ASXL3: variants seen among roughly 807,000 people sequenced by gnomAD.
ASXL3 encodes the protein putative Polycomb group protein ASXL3.
Under a neutral mutation model 170.6 loss-of-function variants are expected in ASXL3, and 34 were observed. The observed-to-expected ratio is 0.20, with a 90% CI of 0.15 to 0.27. The LOEUF (loss-of-function observed/expected upper bound fraction) is 0.27, where lower values mean the gene tolerates loss of function less well. ASXL3 is among the 10% of genes least tolerant of loss of function. ASXL3 has a pLI of 1.00. For missense variants in ASXL3, 2,592 were observed against 2,695.3 expected (o/e 0.96, Z 0.85); for synonymous variants, 1,002 against 989.1 (o/e 1.01, Z -0.24).
chr18:33,741,268 A>T (rs573767338), intron 11 of ASXL3, among the ~76,000 whole-genome samples: 2 of 152,322 alleles, frequency 1.3e-5, no homozygotes, highest in African/African-American at 4.8e-5. Flanking sequence ...TATGGACTTT[A>T]TGTAAAGATA....
Position 33,745,402 on chromosome 18 carries a change from C to G in ASXL3, c.5554C>G (p.Pro1852Ala), listed in dbSNP as rs1371619287. The G allele has an allele frequency of 1.2e-6, 2 of 1,613,766 alleles. No homozygotes were observed. The highest frequency in any genetic ancestry group is 2.2e-5 in the East Asian group (1 of 44,860). Residue 1852 changes from proline (P) to alanine (A), a missense_variant, in exon 12 of 12, where the codon CCA becomes GCA. Coordinates refer to ENST00000269197, the MANE Select transcript of ASXL3 (RefSeq NM_030632.3). ...KCEPGKLLVEPDVKGVPCVIS... is the reference protein window; with the variant it reads ...KCEPGKLLVEADVKGVPCVIS... ...TGAACCAGGAAAATTGTTGGTGGAG[C>G]CAGATGTTAAAGGGGTGCCTTGTGT...
At chr18:33,675,833 A>G (rs540948629) in intron 7 of ASXL3, among the ~76,000 whole-genome samples, 75 of 152,186 alleles carry the variant, frequency 4.9e-4, no homozygotes, top group African/African-American at 1.7e-3. Context: ...CAGCTTCCCT[A>G]GAGAGGGTTA....
At chr18:33,725,642 T>A (rs2067337574) in intron 8 of ASXL3, among the ~76,000 whole-genome samples, 1 of 152,200 alleles carries the variant, frequency 6.6e-6, no homozygotes, top group African/African-American at 2.4e-5. Flanking sequence ...CTTGCCCTAT[T>A]CTCAGTTACT....
At chr18:33,731,287 A>G (rs1452152510) in intron 8 of ASXL3, among the ~76,000 whole-genome samples, 3 of 152,162 alleles carry the variant, frequency 2.0e-5, no homozygotes, top group East Asian at 1.9e-4. Context: ...TATGAATTCT[A>G]TATGTGGAAG....
chr18:33,689,145 A>G (rs936339282), intron 8 of ASXL3, among the ~76,000 whole-genome samples: 1 of 152,016 alleles, frequency 6.6e-6, no homozygotes, highest in African/African-American at 2.4e-5. Flanking sequence ...GCTGCCTGCC[A>G]CCACATCTGG....
At chr18:33,655,979 C>T (rs1250697648) in intron 4 of ASXL3, among the ~76,000 whole-genome samples, 3 of 151,938 alleles carry the variant, frequency 2.0e-5, no homozygotes, top group Non-Finnish European at 4.4e-5. Flanking sequence ...CTTATGGCCT[C>T]CAACTCAGGT....
rs1000058051 is a variant in ASXL3, at chr18:33,748,304, A to G, written c.*1709A>G. On this transcript the variant is annotated 3_prime_UTR_variant, in exon 12 of 12. Transcript: ENST00000269197. Reference sequence around the variant, plus strand: ...TGATTTTTTTATAATAACCAACTATATAATATGTTTTTTTCTCCGTATTTA... The same window carrying G: ...TGATTTTTTTATAATAACCAACTATGTAATATGTTTTTTTCTCCGTATTTA... The G allele has an allele frequency of 8.5e-5, 13 of 152,178 alleles. No homozygotes were observed. The highest frequency in any genetic ancestry group is 3.1e-4 in the African/African-American group (13 of 41,450). The allele number at this position is 152,178 out of a possible 1,614,324, so 9.4% of individuals were successfully genotyped here.
In ASXL3 at chr18:33,747,482, G is replaced by C. The variant is rs995895835; in HGVS notation, c.*887G>C. 5 of 151,298 alleles carry C rather than the reference G, an allele frequency of 3.3e-5. No homozygotes were observed. Among genetic ancestry groups the C allele is most frequent in the African/African-American group, 1.2e-4 (5 of 41,162 alleles). 9.4% of individuals were successfully genotyped at this position (151,298 alleles called of 1,614,324 possible). On this transcript the variant is annotated 3_prime_UTR_variant, in exon 12 of 12. Transcript: ENST00000269197. ...AGATGCTGTATATGCACACATAAAT[G>C]CATTGATAATGTAAATATCCTATTC...
At chr18:33,662,012 A>G (rs1250333066) in intron 5 of ASXL3, among the ~76,000 whole-genome samples, 2 of 152,160 alleles carry the variant, frequency 1.3e-5, no homozygotes, top group Non-Finnish European at 2.9e-5. Flanking sequence ...TCTATTTATG[A>G]TTTATAGTAG....
intron 2 of ASXL3, among the ~76,000 whole-genome samples, chr18:33,632,586 C>T (rs1379745710): frequency 6.6e-6 from 1 of 151,272 alleles, no homozygotes; most frequent in Non-Finnish European, 1.5e-5. Context: ...TCCTAAACTC[C>T]TTCTTCTCCT....
At chr18:33,713,713 A>T (rs1381888944) in intron 8 of ASXL3, among the ~76,000 whole-genome samples, 1 of 152,208 alleles carries the variant, frequency 6.6e-6, no homozygotes, top group African/African-American at 2.4e-5. Context: ...CTGCATGTAT[A>T]CATCACCTGA....
At chr18:33,579,066 A>ACC (rs912004097) in intron 1 of ASXL3, 2 of 155,650 alleles carry the variant, frequency 1.3e-5, no homozygotes, top group African/African-American at 4.9e-5. Flanking sequence ...CGGCCCCTCC[A>ACC]CCCCCCGGAA....
chr18:33,591,882 C>G (rs966283606), intron 1 of ASXL3, among the ~76,000 whole-genome samples: 2 of 151,594 alleles, frequency 1.3e-5, no homozygotes, highest in Non-Finnish European at 2.9e-5. Context: ...ACCTCGTGAT[C>G]CGCCTGCCTC....
At chr18:33,733,025 C>T (rs1454445314) in intron 9 of ASXL3, among the ~76,000 whole-genome samples, 1 of 152,116 alleles carries the variant, frequency 6.6e-6, no homozygotes, top group East Asian at 1.9e-4. Flanking sequence ...TTTTCTTGGG[C>T]TACGTTTCTG....
chr18:33,671,799 T>A lies in ASXL3; in HGVS notation c.648T>A (p.His216Gln), dbSNP rs2066346456. 1 of 1,611,154 alleles carries A rather than the reference T, an allele frequency of 6.2e-7. No individual in the cohort carries two copies. Among genetic ancestry groups the A allele is most frequent in the Non-Finnish European group, 8.5e-7 (1 of 1,178,454 alleles). Residue 216 changes from histidine to glutamine, a missense_variant, in exon 7 of 12, where the codon CAT becomes CAA. His to Gln is a conservative substitution (Grantham distance 24). This residue lies in a region of ASXL3 where 251 missense variants were observed against 281.9 expected (regional missense o/e 0.89). Transcript: ENST00000269197. The stretch of plus-strand genomic sequence containing the variant: ...ACAGTTCAGATAAAGAAATGAAACA[T>A]GGGCAAAAATCTCCCACTGGAAAAC... ...EADSSDKEMK[H>Q]GQKSPTGKQT...
At chr18:33,627,347 T>C (rs1040989159) in intron 2 of ASXL3, among the ~76,000 whole-genome samples, 3 of 152,304 alleles carry the variant, frequency 2.0e-5, no homozygotes, top group Admixed American at 2.0e-4. Context: ...AGTGAAAATT[T>C]GAGAGGCTCT....
intron 2 of ASXL3, among the ~76,000 whole-genome samples, chr18:33,629,932 T>C (rs2145169752): frequency 6.6e-6 from 1 of 152,140 alleles, no homozygotes; most frequent in East Asian, 1.9e-4. Flanking sequence ...TTTACATTGA[T>C]CCTAGTCATC....
At chr18:33,594,279 C>A (rs1373723097) in intron 1 of ASXL3, among the ~76,000 whole-genome samples, 1 of 152,254 alleles carries the variant, frequency 6.6e-6, no homozygotes, top group East Asian at 1.9e-4. Flanking sequence ...AAAGGTAACT[C>A]TTACTTTGTA....
At chr18:33,686,210 A>G (rs1568327655) in intron 8 of ASXL3, among the ~76,000 whole-genome samples, 1 of 152,308 alleles carries the variant, frequency 6.6e-6, no homozygotes, top group African/African-American at 2.4e-5. Context: ...ATATTTACTG[A>G]GCATGTGTTG....
Sources: allele counts gnomAD v4.1 joint callset (sites outside exome capture counted in the v4.1 genomes callset), GRCh38; gene constraint gnomAD v4.1.1; regional missense constraint gnomAD v4.1.1; transcripts MANE v1.5; gene names NCBI Gene and HGNC (gene_info 2026-07-23, HGNC 2026-07-21).